The following STAU2 variants were observed in gnomAD, a reference collection of about 807,000 sequenced individuals.
The protein encoded by STAU2 is staufen double-stranded RNA binding protein 2, also known as double-stranded RNA-binding protein Staufen homolog 2.
A neutral mutation model predicts 65.9 loss-of-function variants in STAU2; 20 were observed. The ratio of observed to expected loss-of-function variants is 0.30; its 90% confidence interval spans 0.21 to 0.44. The LOEUF (loss-of-function observed/expected upper bound fraction) is 0.44, where lower values mean the gene tolerates loss of function less well. Ranked by LOEUF, STAU2 falls within the 20% of genes least tolerant of loss-of-function variation. The pLI is 1.00. For missense variants in STAU2, 558 were observed against 683.9 expected, an observed-to-expected ratio of 0.82 and a Z score of 2.05; for synonymous variants, 232 against 233.9, an observed-to-expected ratio of 0.99 and a Z score of 0.07.
At chr8:73,451,436 C>T (rs1818794609) in intron 13 of STAU2, among the ~76,000 whole-genome samples, 1 of 151,846 alleles carries the variant, frequency 6.6e-6, no homozygotes, top group South Asian at 2.1e-4. Context: ...TTGTTTGGGG[C>T]CAGAAAAGCG....
chr8:73,655,870 A>G (rs376094379), intron 6 of STAU2, among the ~76,000 whole-genome samples: 154 of 151,772 alleles, frequency 1.0e-3, no homozygotes, highest in African/African-American at 3.0e-3. Flanking sequence ...GGATAGTCTC[A>G]ATCTCCTGAC....
At chr8:73,462,129 G>C (rs1251258913) in intron 13 of STAU2, among the ~76,000 whole-genome samples, 5 of 151,984 alleles carry the variant, frequency 3.3e-5, no homozygotes, top group African/African-American at 1.2e-4. Context: ...ACCTAGGATG[G>C]ACTGCAGTGG....
chr8:73,428,082 T>C, intron 13 of STAU2, among the ~76,000 whole-genome samples: 1 of 152,224 alleles, frequency 6.6e-6, no homozygotes, highest in Non-Finnish European at 1.5e-5. Context: ...AAACTTATCC[T>C]TTTTATCTGA....
rs368955920 is a variant in STAU2, at chr8:73,603,761, T to C, written c.994A>G (p.Arg332Gly). The part of the protein sequence containing the change: ...KEPDYVLLSE[R>G]GMPRRREFVM... ...AATTCTCGACGTCGAGGCATTCCTC[T>C]TTCTGAAAGCAAAACATAATCCGGC... The change falls in exon 10 of 15, where the codon AGA becomes GGA. Residue 332 changes from arginine to glycine, a missense_variant. Around this residue, in one of 3 missense-constraint regions of STAU2, gnomAD observed 199 missense variants for 299.5 expected, o/e 0.66. Coordinates refer to ENST00000524300, the MANE Select transcript of STAU2 (RefSeq NM_001164380.2). The C allele has an allele frequency of 2.1e-5, 34 of 1,611,692 alleles. No individual in the cohort carries two copies. Among genetic ancestry groups the C allele is most frequent in the Non-Finnish European group, 2.9e-5 (34 of 1,179,850 alleles).
At chr8:73,518,187 A>AAGGG (rs1267803400) in intron 13 of STAU2, among the ~76,000 whole-genome samples, 9 of 152,250 alleles carry the variant, frequency 5.9e-5, no homozygotes, top group African/African-American at 1.9e-4. Context: ...TCAGAAAATA[A>AAGGG]AATTGGTTTC....
chr8:73,710,152 C>T (rs1431219463), intron 3 of STAU2, among the ~76,000 whole-genome samples: 1 of 152,066 alleles, frequency 6.6e-6, no homozygotes, highest in Non-Finnish European at 1.5e-5. Flanking sequence ...AGCTCAAAAA[C>T]ATGGAATATA....
At chr8:73,606,911 A>G (rs56044335) in intron 9 of STAU2, among the ~76,000 whole-genome samples, 4 of 152,072 alleles carry the variant, frequency 2.6e-5, no homozygotes, top group African/African-American at 9.7e-5. Flanking sequence ...CTACCAATTC[A>G]TGCATGCAAC....
intron 12 of STAU2, among the ~76,000 whole-genome samples, chr8:73,578,377 T>C (rs1191714779): frequency 6.6e-6 from 1 of 152,214 alleles, no homozygotes; most frequent in Non-Finnish European, 1.5e-5. Flanking sequence ...TTACCTCTAA[T>C]CTTCCTTCCT....
chr8:73,529,504 T>C (rs1171545008), intron 13 of STAU2, among the ~76,000 whole-genome samples: 2 of 152,188 alleles, frequency 1.3e-5, no homozygotes, highest in Admixed American at 6.6e-5. Context: ...CACACTTCTA[T>C]GTCAGCTGAC....
Position 73,577,929 on chromosome 8 carries a change from A to G in STAU2, c.1222+4841T>C, listed in dbSNP as rs183232209. On this transcript the variant is annotated intron_variant, in intron 12 of 14. Coordinates refer to ENST00000524300, the MANE Select transcript of STAU2 (RefSeq NM_001164380.2). ...AAATTGACTTTTATGTGTCCTTTGC[A>G]TATATTCAATTTGTTGCTATGCTGC... 8.9e-4 allele frequency among the ~76,000 whole-genome samples: 135 copies of G among 152,068 alleles called. 1 individual carries two copies. Among genetic ancestry groups the G allele is most frequent in the African/African-American group, 3.1e-3 (129 of 41,458 alleles).
At chr8:73,532,610 A>G (rs1054679615) in intron 13 of STAU2, among the ~76,000 whole-genome samples, 1 of 152,168 alleles carries the variant, frequency 6.6e-6, no homozygotes, top group Non-Finnish European at 1.5e-5. Context: ...CCTCAGTGAC[A>G]GAGCGAGACC....
intron 3 of STAU2, among the ~76,000 whole-genome samples, chr8:73,715,141 T>C (rs918613442): frequency 2.0e-4 from 29 of 147,194 alleles, no homozygotes; most frequent in African/African-American, 7.3e-4. Flanking sequence ...AAAGATACTA[T>C]AAATCAATTT....
At chr8:73,686,230 T>C (rs1383077123) in intron 5 of STAU2, among the ~76,000 whole-genome samples, 3 of 151,608 alleles carry the variant, frequency 2.0e-5, no homozygotes, top group African/African-American at 4.8e-5. Flanking sequence ...CTGGCTAACA[T>C]GGTGAAACCC....
intron 6 of STAU2, among the ~76,000 whole-genome samples, chr8:73,657,122 A>T (rs1326276387): frequency 6.6e-6 from 1 of 152,244 alleles, no homozygotes; most frequent in Admixed American, 6.5e-5. Context: ...GCACACAAAT[A>T]CTAAGAGATT....
intron 12 of STAU2, among the ~76,000 whole-genome samples, chr8:73,560,322 C>T (rs555619421): frequency 5.9e-5 from 9 of 152,114 alleles, no homozygotes; most frequent in East Asian, 1.9e-4. Flanking sequence ...CCTCGTGATC[C>T]GCCCACCTCG....
intron 13 of STAU2, among the ~76,000 whole-genome samples, chr8:73,449,438 G>A (rs976135690): frequency 6.6e-6 from 1 of 152,194 alleles, no homozygotes; most frequent in Non-Finnish European, 1.5e-5. Flanking sequence ...TGATCTTATC[G>A]CCACTTTACC....
chr8:73,582,903 A>T (rs1810098014), intron 11 of STAU2, 73 bp from the exon 12 acceptor site: 2 of 1,456,600 alleles, frequency 1.4e-6, no homozygotes, highest in Admixed American at 3.8e-5. Flanking sequence ...AAGGTGACCA[A>T]TTAAGCAAAG....
intron 6 of STAU2, among the ~76,000 whole-genome samples, chr8:73,650,721 T>C (rs1815795830): frequency 6.6e-6 from 1 of 152,240 alleles, no homozygotes; most frequent in Non-Finnish European, 1.5e-5. Context: ...GTGGGTTTTT[T>C]CCTTCTAAAG....
chr8:73,655,850 G>A (rs185896166), intron 6 of STAU2, among the ~76,000 whole-genome samples: 25 of 151,890 alleles, frequency 1.6e-4, no homozygotes, highest in Admixed American at 1.3e-3. Context: ...GGGTTTCACC[G>A]TGTTAGCCAG....
Sources: allele counts gnomAD v4.1 joint callset (sites outside exome capture counted in the v4.1 genomes callset), GRCh38; gene constraint gnomAD v4.1.1; regional missense constraint gnomAD v4.1.1; transcripts MANE v1.5; gene names NCBI Gene and HGNC (gene_info 2026-07-23, HGNC 2026-07-21).